The following TP73 variants were observed in gnomAD, a reference collection of about 807,000 sequenced individuals.
TP73 encodes p53-like transcription factor.
In TP73, 25 loss-of-function variants were observed where a neutral mutation model predicts 62.5. That is an observed-to-expected ratio of 0.40 (90% CI 0.29 to 0.56). The LOEUF (loss-of-function observed/expected upper bound fraction) is 0.56. Ranked by LOEUF, TP73 falls within the 20% of genes least tolerant of loss-of-function variation. The probability of loss-of-function intolerance (pLI) is 0.46; values close to 1 mark genes in which losing one functional copy is unlikely to be tolerated. For missense variants in TP73, 754 were observed against 913.3 expected, an observed-to-expected ratio of 0.83 and a Z score of 2.25; for synonymous variants, 423 against 377.5, an observed-to-expected ratio of 1.12 and a Z score of -1.40.
At chr1:3,723,895 G>A (rs1028761805) in intron 6 of TP73, among the ~76,000 whole-genome samples, 1 of 152,156 alleles carries the variant, frequency 6.6e-6, no homozygotes, top group Non-Finnish European at 1.5e-5. Flanking sequence ...TGAAGGGGTG[G>A]CAAATTCTAC....
rs2124555235 is a variant in TP73 at position 3,732,988 on chromosome 1, A to T, written c.1820A>T (p.Asp607Val). Reference sequence around the variant, plus strand: ...CGCGGCGGCCCAGGCGGCGGCCCTGACGAGTGGGCGGACTTCGGCTTCGAC... The same window carrying T: ...CGCGGCGGCCCAGGCGGCGGCCCTGTCGAGTGGGCGGACTTCGGCTTCGAC... ...PNRGGPGGGP[D>V]EWADFGFDLP... Residue 607 changes from aspartate (D) to valine (V), a missense_variant, in exon 14 of 14, where the codon GAC becomes GTC. Around this residue, in one of 3 missense-constraint regions of TP73, gnomAD observed 458 missense variants for 528.7 expected, o/e 0.87. Coordinates refer to ENST00000378295, the MANE Select transcript of TP73 (RefSeq NM_005427.4). The T allele has an allele frequency of 6.3e-7, 1 of 1,589,980 alleles. No individual in the cohort carries two copies. Among genetic ancestry groups the T allele is most frequent in the Non-Finnish European group, 8.5e-7 (1 of 1,171,678 alleles).
chr1:3,699,984 G>A lies in TP73; in HGVS notation c.187-7565G>A, dbSNP rs1639020513. ...ATCTCCGCCAAGCCCAGGGCCCCAG[G>A]AAGCGGCCCCATCCTTGGGAGCTGT... On this transcript the variant is annotated intron_variant, in intron 3 of 13. Coordinates refer to ENST00000378295, the MANE Select transcript of TP73 (RefSeq NM_005427.4). The surrounding 1 kb of genome is among the most constrained non-coding windows in gnomAD (Gnocchi z 4.1). 1.3e-5 allele frequency among the ~76,000 whole-genome samples: 2 copies of A among 152,070 alleles called. No individual in the cohort carries two copies. The highest frequency in any genetic ancestry group is 4.8e-5 in the African/African-American group (2 of 41,428).
intron 1 of TP73, among the ~76,000 whole-genome samples, chr1:3,680,262 A>G (rs980375503): frequency 6.6e-6 from 1 of 152,072 alleles, no homozygotes. Context: ...GTAATGTTCC[A>G]TTGCTTGCTG....
intron 4 of TP73, among the ~76,000 whole-genome samples, chr1:3,716,401 T>C (rs1640599025): frequency 6.6e-6 from 1 of 152,214 alleles, no homozygotes; most frequent in African/African-American, 2.4e-5. Flanking sequence ...GCCTGGCCCA[T>C]GGGCTGTGGA....
intron 1 of TP73, among the ~76,000 whole-genome samples, chr1:3,654,665 G>A (rs1271022390): frequency 6.6e-6 from 1 of 152,228 alleles, no homozygotes; most frequent in Non-Finnish European, 1.5e-5. Context: ...CCCAGGTGCT[G>A]TTCCAGAGCT....
chr1:3,687,451 G>A (rs879413983), intron 3 of TP73, among the ~76,000 whole-genome samples: 14 of 152,196 alleles, frequency 9.2e-5, no homozygotes, highest in Admixed American at 3.3e-4. Context: ...ATGGTGGGGC[G>A]GGGGTCCTAT....
At position 3,656,553 on chromosome 1, in the gene TP73, T is replaced by G. The variant is rs112487805; in HGVS notation, c.-34+3912T>G. 3.7e-4 allele frequency among the ~76,000 whole-genome samples: 57 copies of G among 152,326 alleles called. 1 individual carries two copies. The highest frequency in any genetic ancestry group is 1.3e-3 in the African/African-American group (54 of 41,560). ...AAGTAGATACTATAATTATGCCCAT[T>G]TACAGATGAGGAAACTGAGGCTTCA... On this transcript the variant is annotated intron_variant, in intron 1 of 13. Coordinates refer to ENST00000378295, the MANE Select transcript of TP73 (RefSeq NM_005427.4).
chr1:3,671,551 G>A (rs1407063914), intron 1 of TP73, among the ~76,000 whole-genome samples: 4 of 152,190 alleles, frequency 2.6e-5, no homozygotes, highest in Admixed American at 6.5e-5. Flanking sequence ...TGCAGGAGCC[G>A]GGGCCTCCAG....
chr1:3,702,653 T>G (rs1363809330), intron 3 of TP73, among the ~76,000 whole-genome samples: 1 of 152,184 alleles, frequency 6.6e-6, no homozygotes. Flanking sequence ...CAGCAGGGCC[T>G]GGTGCGTCCG....
At position 3,670,263 on chromosome 1, in the gene TP73, T is replaced by C. The variant is rs1169478749; in HGVS notation, c.-33-12070T>C. Among the ~76,000 whole-genome samples, 1 of 152,000 alleles carries C rather than the reference T, an allele frequency of 6.6e-6. No homozygotes were observed. The highest frequency in any genetic ancestry group is 2.4e-5 in the African/African-American group (1 of 41,360). ...ATGATGATGGGGCCGGGGGACCACA[T>C]GGGCACAGGCTTCTGGAATGTGGGT... On this transcript the variant is annotated intron_variant, in intron 1 of 13. Coordinates refer to ENST00000378295, the MANE Select transcript of TP73 (RefSeq NM_005427.4). This position sits in a 1 kb window ranked among gnomAD's most constrained non-coding sequence, Gnocchi z 5.9.
At chr1:3,729,975 C>T in intron 10 of TP73, 25 bp from the exon 11 acceptor site, 1 of 1,563,262 alleles carries the variant, frequency 6.4e-7, no homozygotes, top group African/African-American at 1.3e-5. Flanking sequence ...GCTTCCCACC[C>T]ATGCGAGCCG....
intron 3 of TP73, among the ~76,000 whole-genome samples, chr1:3,695,721 T>C (rs1638587443): frequency 6.6e-6 from 1 of 152,224 alleles, no homozygotes; most frequent in African/African-American, 2.4e-5. Flanking sequence ...ACTCTGTACG[T>C]GGGGCTACGG....
rs1468793120 is a variant in TP73 at position 3,701,413 on chromosome 1, C to T, written c.187-6136C>T. On this transcript the variant is annotated intron_variant, in intron 3 of 13. Coordinates refer to ENST00000378295, the MANE Select transcript of TP73 (RefSeq NM_005427.4). This position sits in a 1 kb window ranked among gnomAD's most constrained non-coding sequence, Gnocchi z 4.7. ...CTGGACATTGGTTCCAGGAGGGCTC[C>T]CGGGCGAGAGTCACTTCCGATGAAG... Among the ~76,000 whole-genome samples the T allele has an allele frequency of 6.6e-6, 1 of 152,148 alleles. No individual in the cohort carries two copies. Among genetic ancestry groups the T allele is most frequent in the Non-Finnish European group, 1.5e-5 (1 of 68,022 alleles).
intron 10 of TP73, chr1:3,729,760 C>T: frequency 2.7e-6 from 2 of 746,166 alleles, no homozygotes; most frequent in Non-Finnish European, 4.5e-6. Context: ...GAGTCCGATT[C>T]CAGTGGCACA....
intron 3 of TP73, among the ~76,000 whole-genome samples, chr1:3,685,323 G>C (rs868534409): frequency 1.3e-5 from 2 of 152,176 alleles, no homozygotes; most frequent in South Asian, 4.1e-4. Flanking sequence ...CTGCTGGAAC[G>C]TGCCACTCCC....
intron 1 of TP73, among the ~76,000 whole-genome samples, chr1:3,653,112 T>C (rs1049072819): frequency 2.0e-5 from 3 of 152,168 alleles, no homozygotes; most frequent in Non-Finnish European, 2.9e-5. Context: ...TCAGCTTCCC[T>C]GAGGAGCCAG....
At chr1:3,726,861 G>T (rs1641679575) in intron 6 of TP73, among the ~76,000 whole-genome samples, 1 of 137,476 alleles carries the variant, frequency 7.3e-6, no homozygotes, top group Non-Finnish European at 1.6e-5. Flanking sequence ...GGGGTTGGTG[G>T]ATGGATGGAT....
chr1:3,707,132 C>G (rs1307401372), intron 3 of TP73, among the ~76,000 whole-genome samples: 1 of 152,224 alleles, frequency 6.6e-6, no homozygotes, highest in African/African-American at 2.4e-5. Flanking sequence ...CCCAGCCCAC[C>G]TCCCCCACTG....
At chr1:3,674,756 G>A (rs548476099) in intron 1 of TP73, among the ~76,000 whole-genome samples, 5 of 152,330 alleles carry the variant, frequency 3.3e-5, no homozygotes, top group Non-Finnish European at 7.4e-5. Context: ...CTGGAGGGGA[G>A]AGTGAGGCCC....
Sources: gnomAD v4.1 joint callset for allele counts (sites outside exome capture counted in the v4.1 genomes callset) on GRCh38, gnomAD v4.1.1 for gene constraint, gnomAD v4.1.1 regional missense constraint, Gnocchi (gnomAD v3.1) non-coding constraint, MANE v1.5 for transcripts, NCBI Gene and HGNC (gene_info 2026-07-23, HGNC 2026-07-21) for gene names.